SNAP25: variants seen among roughly 807,000 people sequenced by gnomAD.
SNAP25 encodes synaptosome associated protein 25.
Under a neutral mutation model 28.7 loss-of-function variants are expected in SNAP25, and 3 were observed. The observed-to-expected ratio is 0.10, with a 90% CI of 0.05 to 0.27. The LOEUF is 0.27. Ranked by LOEUF, SNAP25 falls within the 10% of genes least tolerant of loss-of-function variation. The probability of loss-of-function intolerance (pLI) is 1.00; values close to 1 mark genes in which losing one functional copy is unlikely to be tolerated. For synonymous variants in SNAP25, 61 were observed against 88.1 expected (o/e 0.69, Z 1.72); for missense variants, 117 against 278.7 (o/e 0.42, Z 4.13).
At chr20:10,227,574 A>C (rs2062755938) in intron 1 of SNAP25, among the ~76,000 whole-genome samples, 1 of 152,150 alleles carries the variant, frequency 6.6e-6, no homozygotes, top group Non-Finnish European at 1.5e-5. Context: ...GTTTACCCTA[A>C]CTAGCTGCCA....
At chr20:10,267,931 T>C (rs1362061265) in intron 1 of SNAP25, among the ~76,000 whole-genome samples, 1 of 152,222 alleles carries the variant, frequency 6.6e-6, no homozygotes, top group Admixed American at 6.5e-5. Context: ...AATATGTTTT[T>C]TAAATCACCC....
chr20:10,295,493 T>A (rs2064089285), intron 5 of SNAP25, among the ~76,000 whole-genome samples: 1 of 152,140 alleles, frequency 6.6e-6, no homozygotes, highest in Admixed American at 6.5e-5. Context: ...TTTGGTGCAA[T>A]TAATTTTGAC....
At chr20:10,299,529 T>G in intron 7 of SNAP25, 117 bp downstream of exon 7, 1 of 1,007,946 alleles carries the variant, frequency 9.9e-7, no homozygotes, top group Non-Finnish European at 1.4e-6. Context: ...GGCGCACTGA[T>G]AGCTGGAAAT....
chr20:10,293,730 A>G lies in SNAP25; in HGVS notation c.281+452A>G, dbSNP rs1443416769. Among the ~76,000 whole-genome samples the G allele has an allele frequency of 6.6e-6, 1 of 152,218 alleles. No individual in the cohort carries two copies. Among genetic ancestry groups the G allele is most frequent in the African/African-American group, 2.4e-5 (1 of 41,460 alleles). ...GTAATTTGGCCCAGGGAAGGATTCTATAAATTAGAGAATATGACAGAGATT... is the reference window on the plus strand; with the variant it reads ...GTAATTTGGCCCAGGGAAGGATTCTGTAAATTAGAGAATATGACAGAGATT... On this transcript the variant is annotated intron_variant, in intron 5 of 7. Coordinates refer to ENST00000254976, the MANE Select transcript of SNAP25 (RefSeq NM_130811.4). The surrounding 1 kb of genome is among the most constrained non-coding windows in gnomAD (Gnocchi z 5.6).
intron 1 of SNAP25, among the ~76,000 whole-genome samples, chr20:10,251,717 TG>T (rs1483320695): frequency 2.0e-5 from 3 of 152,214 alleles, no homozygotes; most frequent in Non-Finnish European, 4.4e-5. Context: ...CTTTCCTTTT[TG>T]TTATTCATGA....
intron 2 of SNAP25, 93 bp downstream of exon 2, chr20:10,275,656 T>C (rs1453247598): frequency 4.0e-6 from 4 of 1,007,904 alleles, no homozygotes; most frequent in Non-Finnish European, 5.7e-6. Context: ...TTTCTTTCAA[T>C]GTCTCAATTT....
intron 7 of SNAP25, among the ~76,000 whole-genome samples, chr20:10,301,767 T>C (rs1168272063): frequency 1.3e-5 from 2 of 151,378 alleles, no homozygotes; most frequent in African/African-American, 4.9e-5. Flanking sequence ...TCCTCATGGA[T>C]TGTCAAGAAA....
intron 3 of SNAP25, among the ~76,000 whole-genome samples, chr20:10,279,106 A>T (rs988908630): frequency 6.6e-6 from 1 of 152,224 alleles, no homozygotes; most frequent in African/African-American, 2.4e-5. Flanking sequence ...TGCACTGTCC[A>T]GGGAATGCTG....
At chr20:10,276,765 T>C (rs2063699132) in intron 2 of SNAP25, among the ~76,000 whole-genome samples, 1 of 152,238 alleles carries the variant, frequency 6.6e-6, no homozygotes, top group Non-Finnish European at 1.5e-5. Flanking sequence ...TATATTTTAT[T>C]ATTATTTATA....
At chr20:10,224,283 T>TTTTTTTTTTG in intron 1 of SNAP25, among the ~76,000 whole-genome samples, 4 of 132,630 alleles carry the variant, frequency 3.0e-5, no homozygotes, top group Admixed American at 7.7e-5. Flanking sequence ...TTTTTTTTTT[T>TTTTTTTTTTG]TTTTTTTTTG....
chr20:10,302,961 A>AT (rs2064275010), intron 7 of SNAP25, among the ~76,000 whole-genome samples: 1 of 152,176 alleles, frequency 6.6e-6, no homozygotes, highest in African/African-American at 2.4e-5. Flanking sequence ...AAGGATATAC[A>AT]GAGTAACCTC....
chr20:10,227,372 A>G (rs188002278), intron 1 of SNAP25, among the ~76,000 whole-genome samples: 30 of 152,258 alleles, frequency 2.0e-4, no homozygotes, highest in African/African-American at 6.7e-4. Flanking sequence ...ACACCCATGT[A>G]TGCAGGAAAT....
intron 1 of SNAP25, among the ~76,000 whole-genome samples, chr20:10,271,917 C>T (rs150517694): frequency 1.1e-3 from 173 of 152,276 alleles, no homozygotes; most frequent in Admixed American, 2.2e-3. Flanking sequence ...ACATTTCCCC[C>T]CCAGGAACCC....
At chr20:10,303,770 A>C (rs3787283) in intron 7 of SNAP25, among the ~76,000 whole-genome samples, 1 of 151,894 alleles carries the variant, frequency 6.6e-6, no homozygotes, top group Non-Finnish European at 1.5e-5. Context: ...GGAATCATTC[A>C]TTTTCTGGAA....
intron 1 of SNAP25, among the ~76,000 whole-genome samples, chr20:10,257,742 G>A (rs1407987811): frequency 6.6e-6 from 1 of 151,128 alleles, no homozygotes; most frequent in Non-Finnish European, 1.5e-5. Context: ...AAATTAGCCA[G>A]CATGGTGGCA....
At position 10,265,904 on chromosome 20, in the gene SNAP25, C is replaced by A. The variant is rs80026981; in HGVS notation, c.-63-9525C>A. Reference sequence around the variant, plus strand: ...CCAATCCAATAAGTCTGGGGTGGAACTCCTAACAAGCTCCCTGGTGAGGCC... The same window carrying A: ...CCAATCCAATAAGTCTGGGGTGGAAATCCTAACAAGCTCCCTGGTGAGGCC... On this transcript the variant is annotated intron_variant, in intron 1 of 7. Transcript: ENST00000254976. Among the ~76,000 whole-genome samples, 1,510 of 152,236 alleles carry A rather than the reference C, an allele frequency of 9.9e-3. 28 individuals are homozygous for A. The highest frequency in any genetic ancestry group is 0.035 in the African/African-American group (1,458 of 41,522).
Position 10,224,257 on chromosome 20 carries a change from C to CTTTTTTTTTTTTTTT in SNAP25, c.-64+5301_-64+5315dup, listed in dbSNP as rs71332917. Among the ~76,000 whole-genome samples the CTTTTTTTTTTTTTTT allele has an allele frequency of 9.8e-4, 17 of 17,432 alleles. 6 individuals carry two copies. The highest frequency in any genetic ancestry group is 3.3e-3 in the Admixed American group (4 of 1,216). 11.4% of individuals were successfully genotyped at this position (17,432 alleles called of 152,430 possible). A position where few individuals can be genotyped will look rare whatever the true frequency, so the allele number is the denominator to read the frequency against. On this transcript the variant is annotated intron_variant, in intron 1 of 7. Transcript: ENST00000254976. ...AATAAGGCATAGAGAATGTACATGT[C>CTTTTTTTTTTTTTTT]TTTTTTTTTTTTTTTTTTTTTTTTT...
chr20:10,293,311 T>A lies in SNAP25; in HGVS notation c.281+33T>A. On this transcript the variant is annotated intron_variant, in intron 5 of 7. Transcript: ENST00000254976. This position sits in a 1 kb window ranked among gnomAD's most constrained non-coding sequence, Gnocchi z 5.6. ...CTGCCTGCCTGCCTGAAGCTTTGAT[T>A]TCCCAAGGCCCATCTCCAAGCCTTG... 1 of 1,543,344 alleles carries A rather than the reference T, an allele frequency of 6.5e-7. No individual in the cohort carries two copies. Among genetic ancestry groups the A allele is most frequent in the Non-Finnish European group, 9.0e-7 (1 of 1,115,822 alleles).
intron 1 of SNAP25, among the ~76,000 whole-genome samples, chr20:10,244,689 C>A (rs552114439): frequency 6.6e-6 from 1 of 151,718 alleles, no homozygotes; most frequent in Non-Finnish European, 1.5e-5. Flanking sequence ...CCCAGTGAGA[C>A]ATAACATCTG....
Sources: allele counts gnomAD v4.1 joint callset (sites outside exome capture counted in the v4.1 genomes callset), GRCh38; gene constraint gnomAD v4.1.1; non-coding constraint Gnocchi (gnomAD v3.1); transcripts MANE v1.5; gene names NCBI Gene and HGNC (gene_info 2026-07-23, HGNC 2026-07-21).